Variants in INSYN2B observed in about 807,000 individuals in gnomAD.
The protein encoded by INSYN2B is inhibitory synaptic factor family member 2B, also known as protein INSYN2B.
INSYN2B carries 16 observed loss-of-function variants against 41.2 expected under a neutral mutation model. The observed-to-expected ratio is 0.39, with a 90% CI of 0.26 to 0.59. INSYN2B has a LOEUF of 0.59. Among genes scored for constraint, INSYN2B ranks in the 20% least tolerant of loss-of-function variants. INSYN2B has a pLI of 0.57. For synonymous variants in INSYN2B, 245 were observed against 244.4 expected, an observed-to-expected ratio of 1.00 and a Z score of -0.02; for missense variants, 608 against 646.4, an observed-to-expected ratio of 0.94 and a Z score of 0.64.
At chr5:169,957,515 G>A (rs1213674020) in intron 1 of INSYN2B, among the ~76,000 whole-genome samples, 2 of 152,192 alleles carry the variant, frequency 1.3e-5, no homozygotes, top group African/African-American at 4.8e-5. Context: ...AGAAAACTGA[G>A]GCTCAGAGGT....
At chr5:169,971,980 CA>C (rs1475412878) in intron 1 of INSYN2B, among the ~76,000 whole-genome samples, 29 of 152,046 alleles carry the variant, frequency 1.9e-4, no homozygotes, top group African/African-American at 6.0e-4. Context: ...TTGCCCATGG[CA>C]GACATCACTA....
rs188038090 is a variant in INSYN2B, at chr5:169,862,027, C to G, written c.*2246G>C. Among the ~76,000 whole-genome samples the G allele has an allele frequency of 5.9e-5, 9 of 151,750 alleles. No individual in the cohort carries two copies. In the East Asian group the frequency reaches 1.7e-3, roughly 29 times the overall value. Reference sequence around the variant, plus strand: ...CAGTTAAGGGTTCATGTGAGGGCCTCAACTGGAAACATATCTATGACCACA... The same window carrying G: ...CAGTTAAGGGTTCATGTGAGGGCCTGAACTGGAAACATATCTATGACCACA... On this transcript the variant is annotated 3_prime_UTR_variant, in exon 4 of 4. Coordinates refer to ENST00000377365, the MANE Select transcript of INSYN2B (RefSeq NM_001129891.3).
intron 1 of INSYN2B, among the ~76,000 whole-genome samples, chr5:169,923,372 C>T (rs767357303): frequency 5.9e-5 from 9 of 152,176 alleles, no homozygotes; most frequent in Non-Finnish European, 1.0e-4. Flanking sequence ...AAGGGGCATA[C>T]GCAGAAAACA....
At chr5:169,974,988 C>T (rs1340884253) in intron 1 of INSYN2B, among the ~76,000 whole-genome samples, 1 of 152,130 alleles carries the variant, frequency 6.6e-6, no homozygotes, top group African/African-American at 2.4e-5. Context: ...TGGCTTTAAC[C>T]AGAGACTGGG....
At chr5:169,890,920 A>G (rs1054564189) in intron 1 of INSYN2B, among the ~76,000 whole-genome samples, 1 of 152,148 alleles carries the variant, frequency 6.6e-6, no homozygotes, top group Non-Finnish European at 1.5e-5. Context: ...TAATCTTGAT[A>G]ATATTTAATC....
chr5:169,959,233 A>C (rs774515976), intron 1 of INSYN2B, among the ~76,000 whole-genome samples: 1 of 152,106 alleles, frequency 6.6e-6, no homozygotes, highest in Non-Finnish European at 1.5e-5. Context: ...TGTACTAAAA[A>C]TACAAAAAAA....
rs903812855 is a variant in INSYN2B, at chr5:169,959,167, C to T, written c.-919+21110G>A. Among the ~76,000 whole-genome samples, 25 of 151,980 alleles carry T rather than the reference C, an allele frequency of 1.6e-4. No homozygotes were observed. In the East Asian group the frequency reaches 2.7e-3, roughly 17 times the overall value. On this transcript the variant is annotated intron_variant, in intron 1 of 3. Coordinates refer to ENST00000377365, the MANE Select transcript of INSYN2B (RefSeq NM_001129891.3). ...CAGCACTTTGGGAGGCCGAGGGGGGCGGATCATGAGGTCAGGACATTGAGA... is the reference window on the plus strand; with the variant it reads ...CAGCACTTTGGGAGGCCGAGGGGGGTGGATCATGAGGTCAGGACATTGAGA...
At chr5:169,898,839 G>A (rs139027843) in intron 1 of INSYN2B, among the ~76,000 whole-genome samples, 50 of 152,262 alleles carry the variant, frequency 3.3e-4, no homozygotes, top group African/African-American at 1.1e-3. Context: ...GATTTGGCCC[G>A]TGGACGGTAG....
rs958989364 is a variant in INSYN2B at position 169,917,834 on chromosome 5, T to G, written c.-918-33018A>C. On this transcript the variant is annotated intron_variant, in intron 1 of 3. Coordinates refer to ENST00000377365, the MANE Select transcript of INSYN2B (RefSeq NM_001129891.3). The stretch of plus-strand genomic sequence containing the variant: ...GATAAGACTGGTAATTAAGGAGGAG[T>G]TATTGTGCTAAAGCTGGTCTTCCCT... Among the ~76,000 whole-genome samples, 28 of 151,628 alleles carry G rather than the reference T, an allele frequency of 1.8e-4. No individual in the cohort carries two copies. In the Middle Eastern group the frequency reaches 0.01, roughly 56 times the overall value.
At chr5:169,933,373 G>T (rs979969258) in intron 1 of INSYN2B, among the ~76,000 whole-genome samples, 1 of 152,214 alleles carries the variant, frequency 6.6e-6, no homozygotes, top group Non-Finnish European at 1.5e-5. Context: ...TCATTAGTTT[G>T]TGAGATGGGC....
Position 169,881,452 on chromosome 5 carries a change from A to G in INSYN2B, c.1347-10T>C. 6.4e-7 allele frequency: 1 copy of G among 1,550,966 alleles called. No individual in the cohort carries two copies. The highest frequency in any genetic ancestry group is 8.7e-7 in the Non-Finnish European group (1 of 1,146,392). ...TCGATAAAAGTTGCGCCTGCAAGACAGAGCATTTGCTGGATAAATCTATGG... is the reference window on the plus strand; with the variant it reads ...TCGATAAAAGTTGCGCCTGCAAGACGGAGCATTTGCTGGATAAATCTATGG... On this transcript the variant is annotated splice_polypyrimidine_tract_variant and intron_variant, in intron 2 of 3. Transcript: ENST00000377365.
At chr5:169,922,094 G>A (rs769123990) in intron 1 of INSYN2B, among the ~76,000 whole-genome samples, 64 of 152,094 alleles carry the variant, frequency 4.2e-4, no homozygotes, top group Admixed American at 2.5e-3. Flanking sequence ...TAGCCTTAAT[G>A]CCATTCCACA....
chr5:169,930,623 C>T lies in INSYN2B; in HGVS notation c.-918-45807G>A, dbSNP rs75977758. The stretch of plus-strand genomic sequence containing the variant: ...TGCCAAATCAATTTGTGCAAAATAA[C>T]GGTAGACAAGGATGAGCTGCGGCTG... On this transcript the variant is annotated intron_variant, in intron 1 of 3. Coordinates refer to ENST00000377365, the MANE Select transcript of INSYN2B (RefSeq NM_001129891.3). Among the ~76,000 whole-genome samples, 1,082 of 152,256 alleles carry T rather than the reference C, an allele frequency of 7.1e-3. 14 individuals carry two copies. Among genetic ancestry groups the T allele is most frequent in the African/African-American group, 0.025 (1,040 of 41,530 alleles).
chr5:169,945,514 A>G (rs1047714662), intron 1 of INSYN2B, among the ~76,000 whole-genome samples: 2 of 152,218 alleles, frequency 1.3e-5, no homozygotes, highest in African/African-American at 2.4e-5. Context: ...GTCTCATGCA[A>G]TCTTCCCAGG....
chr5:169,871,298 A>C (rs926005817), intron 3 of INSYN2B, among the ~76,000 whole-genome samples: 6 of 152,238 alleles, frequency 3.9e-5, no homozygotes, highest in Admixed American at 6.5e-5. Flanking sequence ...AACTCTTTCC[A>C]GCATTTTATT....
rs752498110 is a variant in INSYN2B, at chr5:169,883,677, A to G, written c.222T>C (p.His74=). 2 of 1,550,990 alleles carry G rather than the reference A, an allele frequency of 1.3e-6. No individual in the cohort carries two copies. Among genetic ancestry groups the G allele is most frequent in the Non-Finnish European group, 8.7e-7 (1 of 1,146,592 alleles). ...AGGAGAGCGAGTAGGTGGGGGGAAG[A>G]TGGTGCCTGGTTGCTTGAGTCTTCC... ...VMGKTQATRH[H]LPPTYSLSFP... The change falls in exon 2 of 4, where the codon CAT becomes CAC. Residue 74 remains histidine, a synonymous_variant. Coordinates refer to ENST00000377365, the MANE Select transcript of INSYN2B (RefSeq NM_001129891.3).
intron 1 of INSYN2B, among the ~76,000 whole-genome samples, chr5:169,889,995 T>C (rs569340892): frequency 7.0e-6 from 1 of 142,824 alleles, no homozygotes; most frequent in East Asian, 2.0e-4. Context: ...TTACAACTTA[T>C]AAAGCATTTT....
rs1479604231 is a variant in INSYN2B, at chr5:169,861,380, A to G, written c.*2893T>C. 6.6e-6 allele frequency among the ~76,000 whole-genome samples: 1 copy of G among 152,260 alleles called. No individual in the cohort carries two copies. Among genetic ancestry groups the G allele is most frequent in the Non-Finnish European group, 1.5e-5 (1 of 68,042 alleles). Reference sequence around the variant, plus strand: ...AGTTTAGAAATTTACAAAACCTTACATCAGTACATCGTCTTTAAGAAGGTG... The same window carrying G: ...AGTTTAGAAATTTACAAAACCTTACGTCAGTACATCGTCTTTAAGAAGGTG... On this transcript the variant is annotated 3_prime_UTR_variant, in exon 4 of 4. Transcript: ENST00000377365.
At chr5:169,903,921 G>A (rs947602484) in intron 1 of INSYN2B, among the ~76,000 whole-genome samples, 1 of 151,938 alleles carries the variant, frequency 6.6e-6, no homozygotes, top group Non-Finnish European at 1.5e-5. Context: ...CCAACATGGC[G>A]AAGCTCTGCC....
Sources: allele counts gnomAD v4.1 joint callset (sites outside exome capture counted in the v4.1 genomes callset), GRCh38; gene constraint gnomAD v4.1.1; transcripts MANE v1.5; gene names NCBI Gene and HGNC (gene_info 2026-07-23, HGNC 2026-07-21).